The following TRPM3 variants were observed in gnomAD, a reference collection of about 807,000 sequenced individuals.
TRPM3 encodes transient receptor potential cation channel subfamily M member 3.
A neutral mutation model predicts 181.2 loss-of-function variants in TRPM3; 77 were observed. The observed-to-expected ratio is 0.42, with a 90% CI of 0.35 to 0.51. TRPM3 has a LOEUF of 0.51. Among genes scored for constraint, TRPM3 ranks in the 20% least tolerant of loss-of-function variants. The probability of loss-of-function intolerance (pLI) is 0.01; values close to 1 mark genes in which losing one functional copy is unlikely to be tolerated. For missense variants in TRPM3, 1,759 were observed against 2,196.7 expected (o/e 0.80, Z 3.98); for synonymous variants, 745 against 796.4 (o/e 0.94, Z 1.09).
chr9:70,564,168 A>G (rs1238027972), intron 22 of TRPM3, among the ~76,000 whole-genome samples: 1 of 152,192 alleles, frequency 6.6e-6, no homozygotes, highest in African/African-American at 2.4e-5. Flanking sequence ...CCTCATCATC[A>G]TCATTACACC....
intron 1 of TRPM3, among the ~76,000 whole-genome samples, chr9:71,390,770 T>TA (rs2093043624): frequency 1.3e-5 from 2 of 152,048 alleles, no homozygotes. Flanking sequence ...ATGGTCACTG[T>TA]ACTAGTAAAG....
At chr9:71,015,440 C>G (rs1395914976) in intron 1 of TRPM3, among the ~76,000 whole-genome samples, 1 of 152,082 alleles carries the variant, frequency 6.6e-6, no homozygotes, top group African/African-American at 2.4e-5. Context: ...TTCCCATGTT[C>G]CAGATAACCA....
intron 1 of TRPM3, among the ~76,000 whole-genome samples, chr9:71,443,495 T>C (rs2131686053): frequency 6.6e-6 from 1 of 152,318 alleles, no homozygotes; most frequent in South Asian, 2.1e-4. Context: ...TGCTTCTGCC[T>C]GTCACCAGAA....
At chr9:70,764,367 A>C (rs2078700858) in intron 7 of TRPM3, among the ~76,000 whole-genome samples, 1 of 152,204 alleles carries the variant, frequency 6.6e-6, no homozygotes, top group African/African-American at 2.4e-5. Context: ...AGATGTAATC[A>C]TTCATCTGCA....
At chr9:71,035,439 T>C (rs539585551) in intron 1 of TRPM3, among the ~76,000 whole-genome samples, 67 of 152,302 alleles carry the variant, frequency 4.4e-4, no homozygotes, top group Non-Finnish European at 7.8e-4. Context: ...TCTTTGGCAA[T>C]GTGCGGCAGC....
At chr9:70,695,905 C>G (rs1355826175) in intron 8 of TRPM3, among the ~76,000 whole-genome samples, 1 of 152,176 alleles carries the variant, frequency 6.6e-6, no homozygotes, top group African/African-American at 2.4e-5. Flanking sequence ...GGCTTGAAGG[C>G]CCATTCTCCT....
intron 6 of TRPM3, among the ~76,000 whole-genome samples, chr9:70,823,203 T>A (rs1170388773): frequency 1.3e-5 from 2 of 152,134 alleles, no homozygotes; most frequent in Non-Finnish European, 2.9e-5. Flanking sequence ...ACTGCTGCCA[T>A]CCTTTTTCAA....
At chr9:71,303,610 T>C (rs1396586386) in intron 1 of TRPM3, among the ~76,000 whole-genome samples, 2 of 152,198 alleles carry the variant, frequency 1.3e-5, no homozygotes, top group Non-Finnish European at 2.9e-5. Flanking sequence ...TGAGAAGATA[T>C]AAGCTCCCTG....
At chr9:71,195,158 G>A (rs1017274560) in intron 1 of TRPM3, among the ~76,000 whole-genome samples, 3 of 152,022 alleles carry the variant, frequency 2.0e-5, no homozygotes, top group Non-Finnish European at 4.4e-5. Flanking sequence ...CCTAATAAAC[G>A]GGATCTAATT....
Position 70,625,659 on chromosome 9 carries a change from A to T in TRPM3, c.1633-142T>A. ...AGAAACACAAGGCTAGACAGGGCAA[A>T]TGCTATCACTCCCAGGCACTAGGAA... is the stretch of plus-strand genomic sequence containing the variant. On this transcript the variant is annotated intron_variant, in intron 12 of 25. Coordinates refer to ENST00000677713, the MANE Select transcript of TRPM3 (RefSeq NM_001366145.2). The surrounding 1 kb of genome is among the most constrained non-coding windows in gnomAD (Gnocchi z 4.8). The T allele has an allele frequency of 1.3e-6, 1 of 793,136 alleles. No individual in the cohort carries two copies. Among genetic ancestry groups the T allele is most frequent in the Non-Finnish European group, 2.0e-6 (1 of 495,548 alleles). The allele number at this position is 793,136 out of a possible 1,614,324, so 49.1% of individuals were successfully genotyped here. A position where few individuals can be genotyped will look rare whatever the true frequency, so the allele number is the denominator to read the frequency against.
chr9:71,167,730 T>C (rs1357481598), intron 1 of TRPM3, among the ~76,000 whole-genome samples: 1 of 152,120 alleles, frequency 6.6e-6, no homozygotes, highest in Non-Finnish European at 1.5e-5. Context: ...AAAAAAAGTT[T>C]TTCTTGCTAG....
chr9:70,837,837 C>G (rs1366925835), intron 5 of TRPM3, among the ~76,000 whole-genome samples: 5 of 152,076 alleles, frequency 3.3e-5, no homozygotes, highest in African/African-American at 1.2e-4. Context: ...AATATCTCAA[C>G]CAACAATAAA....
In TRPM3 at chr9:70,534,625, T is replaced by C. The variant is rs1376994777; in HGVS notation, c.*1328A>G. ...CTGTATCTTTTTTTATAGCTCTGTC[T>C]ATAAGAAAAATATTCATGGTATGCT... On this transcript the variant is annotated 3_prime_UTR_variant, in exon 26 of 26. Transcript: ENST00000677713. 2 of 152,216 alleles carry C rather than the reference T, an allele frequency of 1.3e-5. No homozygotes were observed. The highest frequency in any genetic ancestry group is 2.9e-5 in the Non-Finnish European group (2 of 68,034). 9.4% of individuals were successfully genotyped at this position (152,216 alleles called of 1,614,324 possible).
At chr9:71,296,678 A>G (rs992381987) in intron 1 of TRPM3, among the ~76,000 whole-genome samples, 4 of 152,146 alleles carry the variant, frequency 2.6e-5, no homozygotes, top group Admixed American at 2.0e-4. Flanking sequence ...ATATTTTTAA[A>G]CTAGCACTCT....
intron 1 of TRPM3, among the ~76,000 whole-genome samples, chr9:71,188,721 G>T (rs2077832925): frequency 6.6e-6 from 1 of 151,856 alleles, no homozygotes; most frequent in Admixed American, 6.6e-5. Flanking sequence ...AAGTCACTAT[G>T]CTTTCTTACC....
At chr9:71,186,684 T>C (rs1257743381) in intron 1 of TRPM3, among the ~76,000 whole-genome samples, 1 of 152,122 alleles carries the variant, frequency 6.6e-6, no homozygotes, top group Non-Finnish European at 1.5e-5. Context: ...ATTAGAAATA[T>C]ATTAGAAACA....
intron 1 of TRPM3, among the ~76,000 whole-genome samples, chr9:70,867,679 A>G (rs1157740312): frequency 6.6e-6 from 1 of 152,102 alleles, no homozygotes; most frequent in Non-Finnish European, 1.5e-5. Context: ...AGAAAAGTAT[A>G]AGACACAATA....
chr9:70,552,784 C>T, intron 24 of TRPM3, 60 bp downstream of exon 24: 1 of 1,572,240 alleles, frequency 6.4e-7, no homozygotes, highest in Non-Finnish European at 8.7e-7. Flanking sequence ...TGCGTGATTG[C>T]CTATAGGAAG....
At chr9:70,945,456 A>G (rs1401723724) in intron 1 of TRPM3, among the ~76,000 whole-genome samples, 1 of 152,206 alleles carries the variant, frequency 6.6e-6, no homozygotes, top group Admixed American at 6.5e-5. Context: ...ACAATGAGCA[A>G]AATACTACCA....
Sources: gnomAD v4.1 joint callset for allele counts (sites outside exome capture counted in the v4.1 genomes callset) on GRCh38, gnomAD v4.1.1 for gene constraint, Gnocchi (gnomAD v3.1) non-coding constraint, MANE v1.5 for transcripts, NCBI Gene and HGNC (gene_info 2026-07-23, HGNC 2026-07-21) for gene names.